MMD: variants seen among roughly 807,000 people sequenced by gnomAD.
MMD encodes the protein monocyte to macrophage differentiation factor.
A neutral mutation model predicts 33.6 loss-of-function variants in MMD; 22 were observed. That is an observed-to-expected ratio of 0.66 (90% CI 0.47 to 0.94). The LOEUF (loss-of-function observed/expected upper bound fraction) is 0.94, where lower values mean the gene tolerates loss of function less well. MMD is among the 40% of genes least tolerant of loss of function. The pLI, the probability that MMD is intolerant of heterozygous loss-of-function variation, is 0.00. For missense variants in MMD, 242 were observed against 309.8 expected, an observed-to-expected ratio of 0.78 and a Z score of 1.64; for synonymous variants, 97 against 103.2, an observed-to-expected ratio of 0.94 and a Z score of 0.36.
intron 1 of MMD, among the ~76,000 whole-genome samples, chr17:55,417,886 G>A (rs140086267): frequency 1.8e-4 from 27 of 152,236 alleles, no homozygotes; most frequent in Non-Finnish European, 3.1e-4. Context: ...AAGTGCTTAC[G>A]ATAGCACTGT....
At chr17:55,395,148 C>T (rs1484131011) in intron 6 of MMD, among the ~76,000 whole-genome samples, 2 of 152,148 alleles carry the variant, frequency 1.3e-5, no homozygotes, top group African/African-American at 4.8e-5. Context: ...TTTTTGTATT[C>T]GAGCCTGGCC....
At chr17:55,404,958 A>T (rs1225112819) in intron 4 of MMD, among the ~76,000 whole-genome samples, 1 of 152,164 alleles carries the variant, frequency 6.6e-6, no homozygotes, top group East Asian at 1.9e-4. Context: ...GCTACTAGGG[A>T]GGCTGAGGCA....
chr17:55,420,965 C>T (rs1162634062), intron 1 of MMD, among the ~76,000 whole-genome samples: 1 of 152,054 alleles, frequency 6.6e-6, no homozygotes, highest in Non-Finnish European at 1.5e-5. Context: ...TCCACGGTTC[C>T]TCCTCCTCGT....
intron 1 of MMD, among the ~76,000 whole-genome samples, chr17:55,420,910 C>T (rs1908160857): frequency 6.6e-6 from 1 of 152,210 alleles, no homozygotes; most frequent in Admixed American, 6.5e-5. Flanking sequence ...GCATTTCCAC[C>T]AGCTCTACAG....
chr17:55,404,691 T>C (rs561763646), intron 4 of MMD: 1 of 985,090 alleles, frequency 1.0e-6, no homozygotes, highest in African/African-American at 1.7e-5. Context: ...GACATTTTGG[T>C]AGAATTTAAC....
At chr17:55,414,045 G>T (rs1378850262) in intron 2 of MMD, 106 bp downstream of exon 2, 14 of 1,074,002 alleles carry the variant, frequency 1.3e-5, no homozygotes, top group Non-Finnish European at 1.9e-5. Flanking sequence ...TAAGGTCACA[G>T]ATGGGTAAAT....
chr17:55,405,020 C>G (rs921859176), intron 4 of MMD, among the ~76,000 whole-genome samples: 4 of 151,582 alleles, frequency 2.6e-5, no homozygotes, highest in African/African-American at 9.7e-5. Context: ...TGAGATCGCA[C>G]CACTGCACTC....
rs1414626957 is a variant in MMD at position 55,394,090 on chromosome 17, C to G, written c.*244G>C. On this transcript the variant is annotated 3_prime_UTR_variant, in exon 7 of 7. Transcript: ENST00000262065. ...GTCTGGTTTGTAAACATCAGTTGGC[C>G]AAGTCTATTCAGAGTCCTTCATGAT... 3.1e-6 allele frequency: 1 copy of G among 326,204 alleles called. No homozygotes were observed. The highest frequency in any genetic ancestry group is 2.1e-5 in the African/African-American group (1 of 46,956). The allele number at this position is 326,204 out of a possible 1,614,324, so 20.2% of individuals were successfully genotyped here. A position where few individuals can be genotyped will look rare whatever the true frequency, so the allele number is the denominator to read the frequency against.
chr17:55,400,490 A>C (rs1315784006), intron 6 of MMD, among the ~76,000 whole-genome samples: 1 of 151,722 alleles, frequency 6.6e-6, no homozygotes. Context: ...CGGAGGTTGC[A>C]GTGAGCCAAG....
In MMD at chr17:55,394,288, T is replaced by C. The variant is rs373063797; in HGVS notation, c.*46A>G. The C allele has an allele frequency of 3.0e-5, 38 of 1,287,722 alleles. No homozygotes were observed. The African/African-American group carries it at 4.9e-4, about 17-fold the overall frequency. The allele number at this position is 1,287,722 out of a possible 1,614,324, so 79.8% of individuals were successfully genotyped here. The stretch of plus-strand genomic sequence containing the variant: ...GTTTAGCTCTCACCCCACTCCCAAG[T>C]GCCATAATTGAAATAATACTGGTTT... On this transcript the variant is annotated 3_prime_UTR_variant, in exon 7 of 7. Transcript: ENST00000262065.
intron 1 of MMD, among the ~76,000 whole-genome samples, chr17:55,417,436 T>G (rs183559935): frequency 6.6e-6 from 1 of 152,134 alleles, no homozygotes; most frequent in African/African-American, 2.4e-5. Flanking sequence ...TCTTAACTAG[T>G]CTTCCTGCTT....
intron 6 of MMD, 28 bp from the exon 7 acceptor site, chr17:55,394,562 G>A (rs1286895855): frequency 4.3e-6 from 6 of 1,410,012 alleles, no homozygotes; most frequent in East Asian, 5.4e-5. Flanking sequence ...AAAATAAAAA[G>A]GGTTTGATGT....
At chr17:55,402,574 A>C (rs1414412081) in intron 5 of MMD, among the ~76,000 whole-genome samples, 1 of 152,244 alleles carries the variant, frequency 6.6e-6, no homozygotes. Context: ...TGAATGGCCA[A>C]GGGTGACTCA....
chr17:55,419,524 C>T (rs1362146696), intron 1 of MMD, among the ~76,000 whole-genome samples: 1 of 152,190 alleles, frequency 6.6e-6, no homozygotes, highest in African/African-American at 2.4e-5. Flanking sequence ...GTGTCTCTCC[C>T]TCCAGTTCCT....
chr17:55,409,961 G>A (rs1191202224), intron 3 of MMD, among the ~76,000 whole-genome samples: 1 of 152,308 alleles, frequency 6.6e-6, no homozygotes. Context: ...GTCCCAAAGT[G>A]CCCTTGTGAT....
chr17:55,421,253 G>A (rs1908174228), intron 1 of MMD, among the ~76,000 whole-genome samples: 1 of 152,252 alleles, frequency 6.6e-6, no homozygotes, highest in African/African-American at 2.4e-5. Flanking sequence ...CCACCCTGGA[G>A]GTAAAGGGAT....
chr17:55,396,178 C>G (rs1907093475), intron 6 of MMD, among the ~76,000 whole-genome samples: 1 of 152,166 alleles, frequency 6.6e-6, no homozygotes. Context: ...ATAGTTAATT[C>G]TGTATCAAAA....
chr17:55,418,902 A>G (rs1241835280), intron 1 of MMD, among the ~76,000 whole-genome samples: 1 of 152,168 alleles, frequency 6.6e-6, no homozygotes, highest in African/African-American at 2.4e-5. Flanking sequence ...TGGTTGCAAG[A>G]CTGTTGAAAT....
intron 4 of MMD, among the ~76,000 whole-genome samples, chr17:55,404,225 T>C (rs1907454828): frequency 6.6e-6 from 1 of 151,972 alleles, no homozygotes; most frequent in Non-Finnish European, 1.5e-5. Flanking sequence ...TGTGGTGGCA[T>C]GTGCCTGTAA....
Sources: gnomAD v4.1 joint callset for allele counts (sites outside exome capture counted in the v4.1 genomes callset) on GRCh38, gnomAD v4.1.1 for gene constraint, MANE v1.5 for transcripts, NCBI Gene and HGNC (gene_info 2026-07-23, HGNC 2026-07-21) for gene names.